EFCAB5: variants seen among roughly 807,000 people sequenced by gnomAD.
EFCAB5 encodes EF-hand calcium-binding domain-containing protein 5.
In EFCAB5, 131 loss-of-function variants were observed where a neutral mutation model predicts 167.9. The ratio of observed to expected loss-of-function variants is 0.78; its 90% CI spans 0.68 to 0.90. EFCAB5 has a LOEUF of 0.90. Ranked by LOEUF, EFCAB5 falls within the 40% of genes least tolerant of loss-of-function variation. The probability of loss-of-function intolerance (pLI) is 0.00; values close to 1 mark genes in which losing one functional copy is unlikely to be tolerated. For synonymous variants in EFCAB5, 574 were observed against 602.8 expected, an observed-to-expected ratio of 0.95 and a Z score of 0.70; for missense variants, 1,663 against 1,745.2, an observed-to-expected ratio of 0.95 and a Z score of 0.84.
intron 14 of EFCAB5, chr17:30,073,598 A>T: frequency 1.5e-6 from 1 of 688,874 alleles, no homozygotes; most frequent in South Asian, 1.6e-5. Flanking sequence ...CATATCATTC[A>T]TTAGAGTTCG....
Position 29,996,448 on chromosome 17 carries a change from C to G in EFCAB5, c.973+88C>G. On this transcript the variant is annotated intron_variant, in intron 6 of 22. Transcript: ENST00000394835. ...ATTCAGATGAAGAGTCAACATGAGACAGATGTTATTCAAAACTCTTGCAGG... is the reference window on the plus strand; with the variant it reads ...ATTCAGATGAAGAGTCAACATGAGAGAGATGTTATTCAAAACTCTTGCAGG... 3 of 1,162,324 alleles carry G rather than the reference C, an allele frequency of 2.6e-6. No individual in the cohort carries two copies. In the South Asian group the frequency reaches 4.3e-5, roughly 17 times the overall value. 72.0% of individuals were successfully genotyped at this position (1,162,324 alleles called of 1,614,324 possible).
chr17:30,051,280 A>G, intron 9 of EFCAB5, 63 bp downstream of exon 9: 2 of 1,340,276 alleles, frequency 1.5e-6, no homozygotes, highest in South Asian at 2.4e-5. Flanking sequence ...ATATGTACTG[A>G]TATGATACAC....
intron 3 of EFCAB5, among the ~76,000 whole-genome samples, chr17:29,956,710 G>A (rs1208092845): frequency 6.6e-6 from 1 of 152,148 alleles, no homozygotes; most frequent in Non-Finnish European, 1.5e-5. Context: ...ATGTTGTTGA[G>A]TAACAACAGA....
chr17:29,977,015 A>C (rs571452485), intron 4 of EFCAB5, among the ~76,000 whole-genome samples: 84 of 152,282 alleles, frequency 5.5e-4, no homozygotes, highest in African/African-American at 1.9e-3. Flanking sequence ...TATAGAATTA[A>C]AGTGGACTTT....
At chr17:29,944,617 G>GT (rs1223652580) in intron 3 of EFCAB5, among the ~76,000 whole-genome samples, 1,961 of 139,016 alleles carry the variant, frequency 0.014, 27 homozygotes, top group Middle Eastern at 0.031. Flanking sequence ...GTTGTTTTCT[G>GT]TTTTGTTTTG....
chr17:30,060,288 T>G (rs961319924), intron 14 of EFCAB5, among the ~76,000 whole-genome samples: 1 of 152,156 alleles, frequency 6.6e-6, no homozygotes, highest in African/African-American at 2.4e-5. Flanking sequence ...GCTTGTTCTC[T>G]CTTCTTGTTT....
At chr17:29,952,272 T>G (rs530815793) in intron 3 of EFCAB5, among the ~76,000 whole-genome samples, 43 of 152,344 alleles carry the variant, frequency 2.8e-4, no homozygotes, top group South Asian at 2.7e-3. Flanking sequence ...AAAGCCCTCA[T>G]GACTTAATCA....
intron 8 of EFCAB5, 23 bp from the exon 9 acceptor site, chr17:30,051,095 C>G: frequency 6.2e-7 from 1 of 1,610,966 alleles, no homozygotes. Context: ...AACAACTAAT[C>G]ACAAACTTTC....
At chr17:30,062,215 C>A (rs760534829) in intron 14 of EFCAB5, among the ~76,000 whole-genome samples, 4 of 152,108 alleles carry the variant, frequency 2.6e-5, no homozygotes, top group Non-Finnish European at 4.4e-5. Context: ...GCCAGAACAA[C>A]AAATAAACAA....
Position 29,945,445 on chromosome 17 carries a change from C to T in EFCAB5, c.190+1796C>T, listed in dbSNP as rs182253953. 1.6e-4 allele frequency among the ~76,000 whole-genome samples: 24 copies of T among 151,920 alleles called. No individual in the cohort carries two copies. In the East Asian group the frequency reaches 4.3e-3, roughly 27 times the overall value. On this transcript the variant is annotated intron_variant, in intron 3 of 22. Transcript: ENST00000394835. The stretch of plus-strand genomic sequence containing the variant: ...CCCGAACTTGCACTTGTTGTGGTGG[C>T]TTATGCCTGTAATCCCAGGACTTTG...
At chr17:29,975,196 T>C (rs899448518) in intron 4 of EFCAB5, among the ~76,000 whole-genome samples, 30 of 152,212 alleles carry the variant, frequency 2.0e-4, no homozygotes, top group African/African-American at 7.2e-4. Context: ...TTAGGTCTCT[T>C]CCAGGTCTAA....
chr17:30,009,975 T>C (rs996900475), intron 7 of EFCAB5, among the ~76,000 whole-genome samples: 1 of 152,118 alleles, frequency 6.6e-6, no homozygotes, highest in Admixed American at 6.6e-5. Flanking sequence ...CCCGACCCCA[T>C]GACAGGCCCC....
chr17:30,015,759 C>CTTTTTTTTTTTTTTTTTT (rs71138866), intron 7 of EFCAB5, among the ~76,000 whole-genome samples: 3 of 130,566 alleles, frequency 2.3e-5, no homozygotes, highest in Non-Finnish European at 3.3e-5. Flanking sequence ...TTGGTTATTT[C>CTTTTTTTTTTTTTTTTTT]TTTTTTTTTT....
chr17:30,091,281 C>T (rs748061742), intron 20 of EFCAB5, among the ~76,000 whole-genome samples: 6 of 152,224 alleles, frequency 3.9e-5, no homozygotes, highest in East Asian at 3.9e-4. Flanking sequence ...CTACTCTCAG[C>T]GCAATGCCAG....
intron 13 of EFCAB5, 75 bp downstream of exon 13, chr17:30,057,965 G>A (rs984832803): frequency 1.9e-5 from 26 of 1,345,890 alleles, no homozygotes; most frequent in African/African-American, 7.3e-5. Flanking sequence ...AGTTGCTCCC[G>A]ATGTGGCTCG....
At chr17:29,977,425 T>A (rs2068083615) in intron 4 of EFCAB5, among the ~76,000 whole-genome samples, 1 of 152,170 alleles carries the variant, frequency 6.6e-6, no homozygotes, top group African/African-American at 2.4e-5. Flanking sequence ...ACTACAAATT[T>A]CCTCTCTTTT....
At chr17:30,038,947 G>A (rs2069695633) in intron 8 of EFCAB5, among the ~76,000 whole-genome samples, 2 of 152,154 alleles carry the variant, frequency 1.3e-5, no homozygotes, top group African/African-American at 4.8e-5. Context: ...TCAGGGGTAA[G>A]GGACCGAGAC....
intron 14 of EFCAB5, among the ~76,000 whole-genome samples, chr17:30,063,537 G>A (rs2070482209): frequency 6.6e-6 from 1 of 152,120 alleles, no homozygotes; most frequent in Non-Finnish European, 1.5e-5. Context: ...GCTGCTAGGG[G>A]GTGCCTCAGA....
intron 14 of EFCAB5, among the ~76,000 whole-genome samples, chr17:30,060,986 C>CCTAA (rs1428389613): frequency 6.6e-6 from 1 of 151,812 alleles, no homozygotes; most frequent in Non-Finnish European, 1.5e-5. Flanking sequence ...ATTTAAGGAA[C>CCTAA]CTAAGGGTAA....
Sources: gnomAD v4.1 joint callset for allele counts (sites outside exome capture counted in the v4.1 genomes callset) on GRCh38, gnomAD v4.1.1 for gene constraint, MANE v1.5 for transcripts, NCBI Gene and HGNC (gene_info 2026-07-23, HGNC 2026-07-21) for gene names.